ILDR2: variants seen among roughly 807,000 people sequenced by gnomAD.
ILDR2 encodes the protein immunoglobulin-like domain-containing receptor 2.
A neutral mutation model predicts 66.8 loss-of-function variants in ILDR2; 25 were observed. The ratio of observed to expected loss-of-function variants is 0.37; its 90% CI spans 0.27 to 0.52. The LOEUF is 0.52. ILDR2 is among the 20% of genes least tolerant of loss of function. ILDR2 has a pLI of 0.88. For synonymous variants in ILDR2, 367 were observed against 357.2 expected, an observed-to-expected ratio of 1.03 and a Z score of -0.31; for missense variants, 827 against 876.8, an observed-to-expected ratio of 0.94 and a Z score of 0.72.
chr1:166,964,146 A>T (rs953709412), intron 1 of ILDR2, among the ~76,000 whole-genome samples: 3 of 151,976 alleles, frequency 2.0e-5, no homozygotes, highest in African/African-American at 7.3e-5. Flanking sequence ...AAATAAAAAA[A>T]AAAAAAAATT....
intron 2 of ILDR2, among the ~76,000 whole-genome samples, chr1:166,899,249 C>T (rs934488199): frequency 1.3e-5 from 2 of 151,584 alleles, no homozygotes; most frequent in African/African-American, 2.4e-5. Flanking sequence ...AAAAATTGGC[C>T]GGGCATAGTG....
chr1:166,945,906 G>A (rs898719170), intron 3 of ILDR2, among the ~76,000 whole-genome samples: 2 of 152,050 alleles, frequency 1.3e-5, no homozygotes, highest in Non-Finnish European at 2.9e-5. Context: ...CCCCAGCTCC[G>A]TGTGGTTCCC....
intron 6 of ILDR2, among the ~76,000 whole-genome samples, chr1:166,934,990 T>C (rs186440881): frequency 5.5e-4 from 84 of 152,344 alleles, no homozygotes; most frequent in Admixed American, 1.8e-3. Flanking sequence ...AGTAGTGGAC[T>C]CCTGTAGGTA....
intron 3 of ILDR2, among the ~76,000 whole-genome samples, chr1:166,942,637 T>A (rs1362135187): frequency 3.3e-5 from 5 of 152,196 alleles, no homozygotes; most frequent in Non-Finnish European, 7.3e-5. Flanking sequence ...GATAAATTTA[T>A]GGGATGGTAA....
intron 3 of ILDR2, among the ~76,000 whole-genome samples, chr1:166,952,031 A>C (rs554232500): frequency 8.7e-4 from 132 of 152,334 alleles, no homozygotes; most frequent in African/African-American, 3.2e-3. Context: ...AAGCTACCAC[A>C]TAGGACATCA....
chr1:166,956,493 A>T (rs912219070), intron 3 of ILDR2, among the ~76,000 whole-genome samples: 2 of 151,860 alleles, frequency 1.3e-5, no homozygotes, highest in African/African-American at 4.8e-5. Flanking sequence ...AAGAAAGCAG[A>T]AGAAATATTC....
chr1:166,932,225 A>C (rs1416142195), intron 6 of ILDR2, among the ~76,000 whole-genome samples: 1 of 152,258 alleles, frequency 6.6e-6, no homozygotes, highest in Non-Finnish European at 1.5e-5. Context: ...TAATGATTGA[A>C]AAGGATCCAT....
At chr1:166,899,341 C>T (rs1393753499) in intron 2 of ILDR2, among the ~76,000 whole-genome samples, 2 of 149,880 alleles carry the variant, frequency 1.3e-5, no homozygotes, top group Admixed American at 6.7e-5. Flanking sequence ...TGCAATGAGC[C>T]GAGATCGTGC....
rs907606314 is a variant in ILDR2 at position 166,975,360 on chromosome 1, G to A, written c.-92C>T. 34 of 1,115,980 alleles carry A rather than the reference G, an allele frequency of 3.0e-5. No homozygotes were observed. Among genetic ancestry groups the A allele is most frequent in the African/African-American group, 1.5e-4 (9 of 61,762 alleles). 69.1% of individuals were successfully genotyped at this position (1,115,980 alleles called of 1,614,324 possible). A position where few individuals can be genotyped will look rare whatever the true frequency, so the allele number is the denominator to read the frequency against. ...CTGTCACCCCGCGGCAGCGGGCGGC[G>A]GCGGAGCGGCGGGCACCGGGCGTCC... On this transcript the variant is annotated 5_prime_UTR_variant, in exon 1 of 10. Coordinates refer to ENST00000271417, the MANE Select transcript of ILDR2 (RefSeq NM_199351.3).
intron 1 of ILDR2, 25 bp downstream of exon 1, chr1:166,975,198 C>A: frequency 6.3e-7 from 1 of 1,583,606 alleles, no homozygotes. Context: ...CAAAGTTATT[C>A]GTTTCTGTTG....
intron 7 of ILDR2, among the ~76,000 whole-genome samples, chr1:166,925,261 G>T (rs1205603382): frequency 6.6e-6 from 1 of 152,162 alleles, no homozygotes; most frequent in African/African-American, 2.4e-5. Context: ...TTTCAAGATT[G>T]CCCAGTTCCA....
intron 6 of ILDR2, among the ~76,000 whole-genome samples, chr1:166,930,768 T>C (rs1660596406): frequency 6.6e-6 from 1 of 152,222 alleles, no homozygotes; most frequent in South Asian, 2.1e-4. Flanking sequence ...CCTGGTAGAC[T>C]GTACATTCCT....
At chr1:166,903,740 T>A (rs1037494293), downstream of ILDR2, among the ~76,000 whole-genome samples, 1 of 152,178 alleles carries the variant, frequency 6.6e-6, no homozygotes, top group African/African-American at 2.4e-5. Flanking sequence ...TCACTAATTT[T>A]GAACCATGAT....
At position 166,910,028 on chromosome 1, in the gene ILDR2, G is replaced by A. The variant is rs1659442422; in HGVS notation, c.*9327C>T. The A allele has an allele frequency of 6.6e-6, 1 of 151,880 alleles. No individual in the cohort carries two copies. Among genetic ancestry groups the A allele is most frequent in the South Asian group, 2.1e-4 (1 of 4,806 alleles). 9.4% of individuals were successfully genotyped at this position (151,880 alleles called of 1,614,324 possible). On this transcript the variant is annotated 3_prime_UTR_variant, in exon 10 of 10. Coordinates refer to ENST00000271417, the MANE Select transcript of ILDR2 (RefSeq NM_199351.3). ...ACAGTGAGAGAGAGAACAAGAGACA[G>A]AGAGATTGATTCATCTTTGTACAGC...
intron 6 of ILDR2, among the ~76,000 whole-genome samples, chr1:166,929,916 G>T (rs1014376740): frequency 6.6e-6 from 1 of 152,158 alleles, no homozygotes; most frequent in African/African-American, 2.4e-5. Context: ...AGGAAAACTA[G>T]CATGTCTGTA....
At chr1:166,970,551 G>C (rs145428951) in intron 1 of ILDR2, among the ~76,000 whole-genome samples, 4 of 152,286 alleles carry the variant, frequency 2.6e-5, no homozygotes, top group Non-Finnish European at 4.4e-5. Flanking sequence ...GTGATTTATG[G>C]AGGAGGTGGG....
chr1:166,959,304 C>T (rs543682479), intron 1 of ILDR2, among the ~76,000 whole-genome samples: 3 of 152,288 alleles, frequency 2.0e-5, no homozygotes, highest in African/African-American at 7.2e-5. Context: ...CTTTTCATGC[C>T]TGTCAGGCCT....
downstream of ILDR2, among the ~76,000 whole-genome samples, chr1:166,904,801 CTG>C (rs1481006562): frequency 2.2e-4 from 33 of 152,184 alleles, no homozygotes; most frequent in Non-Finnish European, 3.7e-4. Flanking sequence ...CAGAGAGAGT[CTG>C]TGCAACATGG....
rs1267560907 is a variant in ILDR2 at position 166,917,490 on chromosome 1, A to T, written c.*1865T>A. 1 of 152,228 alleles carries T rather than the reference A, an allele frequency of 6.6e-6. No homozygotes were observed. Among genetic ancestry groups the T allele is most frequent in the African/African-American group, 2.4e-5 (1 of 41,438 alleles). The allele number at this position is 152,228 out of a possible 1,614,324, so 9.4% of individuals were successfully genotyped here. ...TCAGAGGTTGTCCACGGATCCATAG[A>T]CAGGGAAGAAACCACTGCTGGATTA... On this transcript the variant is annotated 3_prime_UTR_variant, in exon 10 of 10. Coordinates refer to ENST00000271417, the MANE Select transcript of ILDR2 (RefSeq NM_199351.3).
Sources: allele counts gnomAD v4.1 joint callset (sites outside exome capture counted in the v4.1 genomes callset), GRCh38; gene constraint gnomAD v4.1.1; transcripts MANE v1.5; gene names NCBI Gene and HGNC (gene_info 2026-07-23, HGNC 2026-07-21).